Variants in LOC128092252 observed in about 807,000 individuals in gnomAD.
the LOC128092252 span, among the ~76,000 whole-genome samples, chr15:50,673,760 T>G: frequency 1.3e-5 from 2 of 152,190 alleles, no homozygotes; most frequent in Non-Finnish European, 2.9e-5. Context: ...TATCTTTTTC[T>G]TATAATGACT....
the LOC128092252 span, chr15:50,657,634 T>C: frequency 1.5e-6 from 1 of 657,382 alleles, no homozygotes. Flanking sequence ...CAGCCTTGAC[T>C]GACCCTTCAC....
At chr15:50,669,436 A>C in the LOC128092252 span, among the ~76,000 whole-genome samples, 2 of 152,158 alleles carry the variant, frequency 1.3e-5, no homozygotes, top group African/African-American at 4.8e-5. Flanking sequence ...CTCTGTCTCA[A>C]AAAGAAAAGG....
chr15:50,664,095 C>A, the LOC128092252 span, among the ~76,000 whole-genome samples: 1 of 151,966 alleles, frequency 6.6e-6, no homozygotes, highest in Non-Finnish European at 1.5e-5. Flanking sequence ...GTCAGAAGAC[C>A]AAGACCATCC....
chr15:50,666,580 G>T, the LOC128092252 span, among the ~76,000 whole-genome samples: 1 of 152,152 alleles, frequency 6.6e-6, no homozygotes, highest in Non-Finnish European at 1.5e-5. Context: ...GAGGCGGGCA[G>T]ATCACCTGAC....
At chr15:50,651,047 C>T in the LOC128092252 span, among the ~76,000 whole-genome samples, 8 of 151,986 alleles carry the variant, frequency 5.3e-5, no homozygotes, top group African/African-American at 1.9e-4. Context: ...GTTAGTCGGG[C>T]GTGGTGATGC....
the LOC128092252 span, among the ~76,000 whole-genome samples, chr15:50,684,618 C>A: frequency 6.6e-6 from 1 of 151,310 alleles, no homozygotes; most frequent in African/African-American, 2.4e-5. Context: ...TCAGCCTGGG[C>A]AACAGAGCGA....
chr15:50,670,296 AG>A, the LOC128092252 span, among the ~76,000 whole-genome samples: 1 of 152,152 alleles, frequency 6.6e-6, no homozygotes, highest in Admixed American at 6.6e-5. Flanking sequence ...ATAGGGGCTG[AG>A]TAAAATAAGG....
the LOC128092252 span, chr15:50,686,606 C>T: frequency 6.3e-7 from 1 of 1,582,118 alleles, no homozygotes; most frequent in Non-Finnish European, 8.6e-7. Flanking sequence ...AGCCATCTAT[C>T]GGGAAGCGTC....
chr15:50,672,735 C>A, the LOC128092252 span, among the ~76,000 whole-genome samples: 1 of 151,416 alleles, frequency 6.6e-6, no homozygotes, highest in Non-Finnish European at 1.5e-5. Flanking sequence ...TGTGGTGAAA[C>A]CCCATCACTA....
At chr15:50,663,057 A>ATGTTTTAAATTT in the LOC128092252 span, 1 of 1,599,006 alleles carries the variant, frequency 6.3e-7, no homozygotes, top group Non-Finnish European at 8.6e-7. Context: ...CTAAAACAAA[A>ATGTTTTAAATTT]TGTTTTAAAG....
chr15:50,685,745 A>C, the LOC128092252 span, among the ~76,000 whole-genome samples: 2 of 152,158 alleles, frequency 1.3e-5, no homozygotes, highest in Non-Finnish European at 2.9e-5. Flanking sequence ...ATATCCAAAA[A>C]TAAAAAGCTC....
At chr15:50,675,974 G>A in the LOC128092252 span, among the ~76,000 whole-genome samples, 1 of 152,102 alleles carries the variant, frequency 6.6e-6, no homozygotes, top group Non-Finnish European at 1.5e-5. Context: ...TTCCTTACCT[G>A]TAAAATAGGA....
chr15:50,686,712 T>C, the LOC128092252 span: 7 of 796,060 alleles, frequency 8.8e-6, no homozygotes, highest in East Asian at 2.2e-4. Context: ...AAGCCGAGTC[T>C]TTCATAATTG....
chr15:50,685,704 TTTC>T, the LOC128092252 span, among the ~76,000 whole-genome samples: 2 of 152,178 alleles, frequency 1.3e-5, no homozygotes, highest in Non-Finnish European at 2.9e-5. Flanking sequence ...TGTAAATGAC[TTTC>T]TTAAGAAATC....
chr15:50,656,500 T>C, the LOC128092252 span, among the ~76,000 whole-genome samples: 1 of 99,994 alleles, frequency 1.0e-5, no homozygotes, highest in African/African-American at 3.5e-5. Context: ...TGTGGTTTTC[T>C]TTTTTTTTTT....
the LOC128092252 span, among the ~76,000 whole-genome samples, chr15:50,681,580 G>A: frequency 0.024 from 3,610 of 152,268 alleles, 135 homozygotes; most frequent in African/African-American, 0.082. Context: ...GCAGAAAGCA[G>A]AAAACTAAGC....
At chr15:50,676,841 G>A in the LOC128092252 span, among the ~76,000 whole-genome samples, 1 of 152,122 alleles carries the variant, frequency 6.6e-6, no homozygotes, top group East Asian at 1.9e-4. Context: ...TTCCGCAAGA[G>A]TTGAGAAAAG....
At chr15:50,648,903 G>C in the LOC128092252 span, 1 of 1,568,906 alleles carries the variant, frequency 6.4e-7, no homozygotes, top group South Asian at 1.2e-5. Context: ...AAAAAGGTGA[G>C]ATTAAAACAC....
At chr15:50,670,446 C>T in the LOC128092252 span, among the ~76,000 whole-genome samples, 1 of 152,092 alleles carries the variant, frequency 6.6e-6, no homozygotes. Flanking sequence ...CAAAACCCAC[C>T]AAAACCAAGA....
Sources: gnomAD v4.1 joint callset for allele counts (sites outside exome capture counted in the v4.1 genomes callset) on GRCh38, gnomAD v4.1.1 for gene constraint, MANE v1.5 for transcripts.